The following PLOD1 variants were observed in gnomAD, a reference collection of about 807,000 sequenced individuals.
PLOD1 encodes lysine hydroxylase.
PLOD1 carries 70 observed loss-of-function variants against 94.7 expected under a neutral mutation model. That is an observed-to-expected ratio of 0.74 (90% CI 0.61 to 0.90). The LOEUF (loss-of-function observed/expected upper bound fraction) is 0.90. Among genes scored for constraint, PLOD1 ranks in the 40% least tolerant of loss-of-function variants. The pLI, the probability that PLOD1 is intolerant of heterozygous loss-of-function variation, is 0.00. For synonymous variants in PLOD1, 417 were observed against 400.2 expected (o/e 1.04, Z -0.50); for missense variants, 905 against 972.7 (o/e 0.93, Z 0.93).
At chr1:11,967,509 G>A (rs1281923936) in intron 16 of PLOD1, among the ~76,000 whole-genome samples, 1 of 148,414 alleles carries the variant, frequency 6.7e-6, no homozygotes, top group Non-Finnish European at 1.5e-5. Flanking sequence ...GCTAGGCCCT[G>A]TGTTCTCTCC....
In PLOD1 at chr1:11,958,218, C is replaced by CCTCAT. The variant is rs1474951093; in HGVS notation, c.843+277_843+281dup. Among the ~76,000 whole-genome samples the CCTCAT allele has an allele frequency of 1.3e-5, 2 of 152,014 alleles. No homozygotes were observed. Among genetic ancestry groups the CCTCAT allele is most frequent in the Admixed American group, 6.6e-5 (1 of 15,264 alleles). On this transcript the variant is annotated intron_variant, in intron 8 of 18. Transcript: ENST00000196061. This position sits in a 1 kb window ranked among gnomAD's most constrained non-coding sequence, Gnocchi z 4.3. ...TGCAGCCCCCTCCCCATCCCATGAA[C>CCTCAT]CTCATCCTCATTTATGACTCACCTC...
rs147836765 is a variant in PLOD1, at chr1:11,968,492, C to G, written c.1755+1401C>G. Among the ~76,000 whole-genome samples the G allele has an allele frequency of 7.0e-3, 1,068 of 151,854 alleles. 9 individuals carry two copies. Among genetic ancestry groups the G allele is most frequent in the African/African-American group, 0.024 (1,003 of 41,422 alleles). Reference sequence around the variant, plus strand: ...TCATATCTCCTATGTACTTCAAGCCCCAACCCACCTCTGATTTTCTTTTTT... The same window carrying G: ...TCATATCTCCTATGTACTTCAAGCCGCAACCCACCTCTGATTTTCTTTTTT... On this transcript the variant is annotated intron_variant, in intron 16 of 18. Transcript: ENST00000196061.
chr1:11,949,030 T>C (rs1382813171), intron 2 of PLOD1, among the ~76,000 whole-genome samples: 1 of 152,136 alleles, frequency 6.6e-6, no homozygotes, highest in Non-Finnish European at 1.5e-5. Context: ...CATGGCTGGA[T>C]CCAGGGATTC....
Position 11,964,312 on chromosome 1 carries a change from C to CCG in PLOD1, c.1328+12_1328+13insCG. 1 of 501,456 alleles carries CCG rather than the reference C, an allele frequency of 2.0e-6. No individual in the cohort carries two copies. The highest frequency in any genetic ancestry group is 3.7e-6 in the Non-Finnish European group (1 of 267,122). 31.1% of individuals were successfully genotyped at this position (501,456 alleles called of 1,614,324 possible). On this transcript the variant is annotated intron_variant, in intron 12 of 18. Coordinates refer to ENST00000196061, the MANE Select transcript of PLOD1 (RefSeq NM_000302.4). ...CAGGGGCGGCGTGTGTGAGTACCTG[C>CCG]AGGGTGGGGGTGGGTGGGGGACACC... is the stretch of plus-strand genomic sequence containing the variant.
At chr1:11,961,273 T>C (rs915707857) in intron 10 of PLOD1, among the ~76,000 whole-genome samples, 4 of 152,020 alleles carry the variant, frequency 2.6e-5, no homozygotes, top group Non-Finnish European at 5.9e-5. Context: ...GGGTCCCAGC[T>C]ACTGAAGAAG....
rs767500051 is a variant in PLOD1, at chr1:11,972,900, G to T, written c.1931G>T (p.Arg644Leu). The change falls in exon 18 of 19, where the codon CGC becomes CTC. Residue 644 changes from arginine to leucine, a missense_variant. Physicochemically the swap from Arg to Leu is moderately radical, Grantham distance 102. Transcript: ENST00000196061. This position sits in a 1 kb window ranked among gnomAD's most constrained non-coding sequence, Gnocchi z 4.6. ...RAQFDLAFVVRYKPDEQPSLM... is the reference protein window; with the variant it reads ...RAQFDLAFVVLYKPDEQPSLM... ...CAGTTTGACCTGGCCTTTGTCGTCCGCTACAAGCCTGATGAGCAGCCCTCA... is the reference window on the plus strand; with the variant it reads ...CAGTTTGACCTGGCCTTTGTCGTCCTCTACAAGCCTGATGAGCAGCCCTCA... The T allele has an allele frequency of 1.2e-6, 2 of 1,613,990 alleles. No individual in the cohort carries two copies. Among genetic ancestry groups the T allele is most frequent in the Non-Finnish European group, 8.5e-7 (1 of 1,179,960 alleles).
rs1645815365 is a variant in PLOD1 at position 11,966,103 on chromosome 1, A to G, written c.1585-148A>G. ...CCTATGGGCACACCTGTGCACCCAG[A>G]CAACACACACGCACCCAGTGGGTGC... On this transcript the variant is annotated intron_variant, in intron 14 of 18. Coordinates refer to ENST00000196061, the MANE Select transcript of PLOD1 (RefSeq NM_000302.4). 2.5e-5 allele frequency: 18 copies of G among 711,134 alleles called. No individual in the cohort carries two copies. In the South Asian group the frequency reaches 2.7e-4, roughly 11 times the overall value. The allele number at this position is 711,134 out of a possible 1,614,324, so 44.1% of individuals were successfully genotyped here. A position where few individuals can be genotyped will look rare whatever the true frequency, so the allele number is the denominator to read the frequency against.
At position 11,970,781 on chromosome 1, in the gene PLOD1, A is replaced by G. The variant is rs995735535; in HGVS notation, c.1867A>G (p.Met623Val). The change falls in exon 17 of 19, where the codon ATG becomes GTG. Residue 623 changes from methionine (M) to valine (V), a missense_variant. By Grantham distance (21) the Met-to-Val change is conservative. Transcript: ENST00000196061. ...ATTCCTGCTGGAGTACATTGCGCCCATGACGGAGAAGCTCTACCCCGGCTA... is the reference window on the plus strand; with the variant it reads ...ATTCCTGCTGGAGTACATTGCGCCCGTGACGGAGAAGCTCTACCCCGGCTA... ...HKFLLEYIAPMTEKLYPGYYT... is the reference protein window; with the variant it reads ...HKFLLEYIAPVTEKLYPGYYT... 6.2e-6 allele frequency: 10 copies of G among 1,609,190 alleles called. No individual in the cohort carries two copies. The highest frequency in any genetic ancestry group is 2.7e-5 in the African/African-American group (2 of 73,442).
At position 11,972,939 on chromosome 1, in the gene PLOD1, A is replaced by G. The variant is rs1645876967; in HGVS notation, c.1970A>G (p.His657Arg). 2 of 1,613,938 alleles carry G rather than the reference A, an allele frequency of 1.2e-6. No individual in the cohort carries two copies. Among genetic ancestry groups the G allele is most frequent in the Middle Eastern group, 1.6e-4 (1 of 6,084 alleles). The change falls in exon 18 of 19, where the codon CAT (histidine) becomes CGT (arginine). Residue 657 changes from histidine (H) to arginine (R), a missense_variant. His to Arg is a conservative substitution (Grantham distance 29). Coordinates refer to ENST00000196061, the MANE Select transcript of PLOD1 (RefSeq NM_000302.4). This position sits in a 1 kb window ranked among gnomAD's most constrained non-coding sequence, Gnocchi z 4.6. Reference sequence around the variant, plus strand: ...GAGCAGCCCTCACTGATGCCACACCATGATGCCTCCACCTTCACCATCAAC... The same window carrying G: ...GAGCAGCCCTCACTGATGCCACACCGTGATGCCTCCACCTTCACCATCAAC... ...PDEQPSLMPHHDASTFTINIA... is the reference protein window; with the variant it reads ...PDEQPSLMPHRDASTFTINIA...
rs1424397738 is a variant in PLOD1, at chr1:11,958,452, G to A, written c.844-64G>A. On this transcript the variant is annotated intron_variant, in intron 8 of 18. Coordinates refer to ENST00000196061, the MANE Select transcript of PLOD1 (RefSeq NM_000302.4). The surrounding 1 kb of genome is among the most constrained non-coding windows in gnomAD (Gnocchi z 4.3). ...GGCTCTGACTCCCTTGGGCCACCCT[G>A]GGGTGGAGTGGCAGTGCTGTGACTG... is the stretch of plus-strand genomic sequence containing the variant. 1.3e-6 allele frequency: 2 copies of A among 1,581,070 alleles called. No homozygotes were observed. The highest frequency in any genetic ancestry group is 1.7e-6 in the Non-Finnish European group (2 of 1,156,216).
intron 9 of PLOD1, among the ~76,000 whole-genome samples, chr1:11,959,181 GACA>G (rs1645760684): frequency 6.6e-6 from 1 of 151,394 alleles, no homozygotes; most frequent in African/African-American, 2.4e-5. Context: ...CTCCAGCCTG[GACA>G]ACAAGAGCAA....
chr1:11,959,474 G>A (rs1185819519), intron 9 of PLOD1, among the ~76,000 whole-genome samples: 3 of 145,700 alleles, frequency 2.1e-5, no homozygotes, highest in South Asian at 2.2e-4. Flanking sequence ...ACAGAGTCTC[G>A]CTGTGTCACC....
chr1:11,949,111 C>T (rs1645677956), intron 2 of PLOD1, among the ~76,000 whole-genome samples: 1 of 152,132 alleles, frequency 6.6e-6, no homozygotes, highest in Non-Finnish European at 1.5e-5. Flanking sequence ...GGCAAGATGA[C>T]CACCAGCCAC....
chr1:11,959,481 C>T (rs1645763016), intron 9 of PLOD1, among the ~76,000 whole-genome samples: 1 of 147,472 alleles, frequency 6.8e-6, no homozygotes, highest in Non-Finnish European at 1.5e-5. Context: ...CTCGCTGTGT[C>T]ACCCAGGCTG....
chr1:11,950,016 A>G, intron 3 of PLOD1, 110 bp downstream of exon 3: 4 of 1,180,396 alleles, frequency 3.4e-6, no homozygotes, highest in Non-Finnish European at 5.1e-6. Flanking sequence ...ACTCTAGCTA[A>G]GGTTGCCTAG....
intron 4 of PLOD1, among the ~76,000 whole-genome samples, chr1:11,951,129 G>T (rs1292749065): frequency 6.6e-6 from 1 of 152,062 alleles, no homozygotes; most frequent in Non-Finnish European, 1.5e-5. Flanking sequence ...TCTGGAATCT[G>T]CTCTCTCTGG....
chr1:11,973,958 G>C (rs950758034), intron 18 of PLOD1, among the ~76,000 whole-genome samples: 1 of 152,178 alleles, frequency 6.6e-6, no homozygotes, highest in Non-Finnish European at 1.5e-5. Context: ...GTGGGTAGAA[G>C]TCAGAGATGC....
At chr1:11,960,231 A>T (rs192526431) in intron 9 of PLOD1, among the ~76,000 whole-genome samples, 1 of 152,270 alleles carries the variant, frequency 6.6e-6, no homozygotes, top group Admixed American at 6.5e-5. Context: ...CGGCCTCCCA[A>T]AGTGCTGCGA....
rs2100750549 is a variant in PLOD1 at position 11,956,996 on chromosome 1, T to G, written c.723T>G (p.His241Gln). ...LAYDTLPVLIHGNGPTKLQLN... is the reference protein window; with the variant it reads ...LAYDTLPVLIQGNGPTKLQLN... ...ATGACACCCTCCCGGTCCTGATCCA[T>G]GGCAACGGGCCAACCAAGGTAGGGG... Residue 241 changes from histidine (H) to glutamine (Q), a missense_variant, in exon 7 of 19, where the codon CAT (histidine) becomes CAG (glutamine). By Grantham distance (24) the His-to-Gln change is conservative. Transcript: ENST00000196061. 6 of 1,612,788 alleles carry G rather than the reference T, an allele frequency of 3.7e-6. No homozygotes were observed. The highest frequency in any genetic ancestry group is 5.1e-6 in the Non-Finnish European group (6 of 1,178,888).
Sources: allele counts gnomAD v4.1 joint callset (sites outside exome capture counted in the v4.1 genomes callset), GRCh38; gene constraint gnomAD v4.1.1; non-coding constraint Gnocchi (gnomAD v3.1); transcripts MANE v1.5; gene names NCBI Gene and HGNC (gene_info 2026-07-23, HGNC 2026-07-21).